EDIL3: variants seen among roughly 807,000 people sequenced by gnomAD.
The protein encoded by EDIL3 is EGF like and discoidin domains 3, also known as EGF-like repeat and discoidin I-like domain-containing protein 3.
A neutral mutation model predicts 67.4 loss-of-function variants in EDIL3; 37 were observed. That is an observed-to-expected ratio of 0.55 (90% CI 0.42 to 0.72). The LOEUF (loss-of-function observed/expected upper bound fraction) is 0.72, where lower values mean the gene tolerates loss of function less well. Ranked by LOEUF, EDIL3 falls within the 30% of genes least tolerant of loss-of-function variation. The pLI is 0.00. For missense variants in EDIL3, 527 were observed against 586.3 expected (o/e 0.90, Z 1.04); for synonymous variants, 195 against 196.3 (o/e 0.99, Z 0.05).
intron 8 of EDIL3, among the ~76,000 whole-genome samples, chr5:84,064,301 C>T (rs1380878498): frequency 6.6e-6 from 1 of 152,120 alleles, no homozygotes; most frequent in African/African-American, 2.4e-5. Flanking sequence ...GCTTACTTTT[C>T]TGTGTTACAT....
chr5:84,139,362 G>A (rs1395717183), intron 4 of EDIL3, among the ~76,000 whole-genome samples: 1 of 151,976 alleles, frequency 6.6e-6, no homozygotes, highest in Non-Finnish European at 1.5e-5. Context: ...GAAAGAAAAG[G>A]TGAGTATAAG....
chr5:84,129,098 G>A (rs1580340321), intron 5 of EDIL3, among the ~76,000 whole-genome samples: 1 of 152,110 alleles, frequency 6.6e-6, no homozygotes, highest in Non-Finnish European at 1.5e-5. Flanking sequence ...TTCAAAGTGT[G>A]ATAATTCTGT....
intron 10 of EDIL3, among the ~76,000 whole-genome samples, chr5:83,959,221 C>T (rs955871093): frequency 3.2e-4 from 47 of 146,822 alleles, no homozygotes; most frequent in African/African-American, 1.1e-3. Flanking sequence ...ACATTATATA[C>T]ATATAATATA....
intron 5 of EDIL3, among the ~76,000 whole-genome samples, chr5:84,119,219 T>TTG (rs1747728702): frequency 6.9e-6 from 1 of 145,508 alleles, no homozygotes; most frequent in Admixed American, 6.9e-5. Flanking sequence ...TTGGTTTTTT[T>TTG]TTTTTTTTTT....
chr5:84,202,112 T>G (rs1376762572), intron 3 of EDIL3, among the ~76,000 whole-genome samples: 1 of 152,142 alleles, frequency 6.6e-6, no homozygotes, highest in South Asian at 2.1e-4. Flanking sequence ...GTTATAAGTG[T>G]CTATGTGAAT....
chr5:84,044,994 G>T (rs189489264), intron 9 of EDIL3, among the ~76,000 whole-genome samples: 113 of 152,270 alleles, frequency 7.4e-4, no homozygotes, highest in African/African-American at 2.7e-3. Flanking sequence ...AGAAAAAAAG[G>T]TTTAATGGAC....
chr5:84,169,561 A>G (rs990516940), intron 4 of EDIL3, among the ~76,000 whole-genome samples: 1 of 151,494 alleles, frequency 6.6e-6, no homozygotes, highest in African/African-American at 2.4e-5. Flanking sequence ...TGTCCCTAAC[A>G]TCTGGAAACC....
rs550628087 is a variant in EDIL3, at chr5:83,988,844, C to T, written c.1138-25484G>A. 7.2e-5 allele frequency among the ~76,000 whole-genome samples: 11 copies of T among 152,146 alleles called. No individual in the cohort carries two copies. In the South Asian group the frequency reaches 2.3e-3, roughly 32 times the overall value. On this transcript the variant is annotated intron_variant, in intron 9 of 10. Coordinates refer to ENST00000296591, the MANE Select transcript of EDIL3 (RefSeq NM_005711.5). ...AATGATACCATTACAAATCTCAATA[C>T]AAAAATGCAATAAAGAGTAATAAGC...
chr5:84,201,513 G>T, intron 3 of EDIL3, among the ~76,000 whole-genome samples: 1 of 152,040 alleles, frequency 6.6e-6, no homozygotes, highest in Non-Finnish European at 1.5e-5. Context: ...GGGTCAGAAA[G>T]CATGTGTCTA....
At chr5:84,001,877 G>A (rs1271119056) in intron 9 of EDIL3, among the ~76,000 whole-genome samples, 1 of 151,934 alleles carries the variant, frequency 6.6e-6, no homozygotes, top group African/African-American at 2.4e-5. Flanking sequence ...GAAAAATAGA[G>A]GAGGAAGGAA....
At chr5:84,260,033 A>T (rs1745198328) in intron 1 of EDIL3, among the ~76,000 whole-genome samples, 1 of 152,170 alleles carries the variant, frequency 6.6e-6, no homozygotes, top group South Asian at 2.1e-4. Context: ...GTTCACTGAT[A>T]ATTAAACTCT....
chr5:84,352,209 T>C (rs1244810462), intron 1 of EDIL3, among the ~76,000 whole-genome samples: 1 of 152,124 alleles, frequency 6.6e-6, no homozygotes, highest in Non-Finnish European at 1.5e-5. Flanking sequence ...GTACAACCTT[T>C]ATGGAAGACA....
intron 1 of EDIL3, among the ~76,000 whole-genome samples, chr5:84,315,513 C>G (rs950739391): frequency 2.6e-5 from 4 of 152,096 alleles, no homozygotes; most frequent in Admixed American, 2.0e-4. Flanking sequence ...GATTTAACAC[C>G]TCATTGATTT....
At position 84,294,553 on chromosome 5, in the gene EDIL3, T is replaced by C. The variant is rs79782740; in HGVS notation, c.68-40341A>G. Among the ~76,000 whole-genome samples, 1,396 of 151,946 alleles carry C rather than the reference T, an allele frequency of 9.2e-3. 23 individuals are homozygous for C. Among genetic ancestry groups the C allele is most frequent in the African/African-American group, 0.032 (1,337 of 41,438 alleles). On this transcript the variant is annotated intron_variant, in intron 1 of 10. Transcript: ENST00000296591. ...GCAGATGTAGTCATATATATGTGCA[T>C]ACATATATACATATATACATACATG...
intron 1 of EDIL3, among the ~76,000 whole-genome samples, chr5:84,264,907 A>T (rs572906075): frequency 6.6e-6 from 1 of 152,178 alleles, no homozygotes; most frequent in African/African-American, 2.4e-5. Context: ...GTTTCACAGA[A>T]TCTTCTTATT....
At chr5:84,300,406 G>A (rs1167636578) in intron 1 of EDIL3, among the ~76,000 whole-genome samples, 1 of 152,138 alleles carries the variant, frequency 6.6e-6, no homozygotes, top group African/African-American at 2.4e-5. Flanking sequence ...CACCTGCAAA[G>A]TGTCTTTTGA....
At chr5:84,134,833 A>C (rs1748059981) in intron 5 of EDIL3, among the ~76,000 whole-genome samples, 1 of 152,196 alleles carries the variant, frequency 6.6e-6, no homozygotes. Flanking sequence ...AGGAAATGCT[A>C]GAATGCCAGA....
chr5:84,230,939 T>C (rs1440989427), intron 2 of EDIL3, among the ~76,000 whole-genome samples: 2 of 152,120 alleles, frequency 1.3e-5, no homozygotes, highest in Non-Finnish European at 2.9e-5. Context: ...TGGATACACA[T>C]AGACATTATA....
chr5:84,238,347 G>A (rs10045576), intron 2 of EDIL3, among the ~76,000 whole-genome samples: 3 of 151,894 alleles, frequency 2.0e-5, no homozygotes, highest in Non-Finnish European at 4.4e-5. Flanking sequence ...AATATAGATC[G>A]ACACATTTGG....
Sources: allele counts gnomAD v4.1 joint callset (sites outside exome capture counted in the v4.1 genomes callset), GRCh38; gene constraint gnomAD v4.1.1; transcripts MANE v1.5; gene names NCBI Gene and HGNC (gene_info 2026-07-23, HGNC 2026-07-21).